Variants in NCAM1 observed in about 807,000 individuals in gnomAD.
NCAM1 encodes the protein antigen recognized by monoclonal antibody 5.1H11.
In NCAM1, 14 loss-of-function variants were observed where a neutral mutation model predicts 109.8. The ratio of observed to expected loss-of-function variants is 0.13; its 90% CI spans 0.08 to 0.20. NCAM1 has a LOEUF of 0.20. NCAM1 is among the 10% of genes least tolerant of loss of function. The probability of loss-of-function intolerance (pLI) is 1.00; values close to 1 mark genes in which losing one functional copy is unlikely to be tolerated. For missense variants in NCAM1, 774 were observed against 1,109.9 expected (o/e 0.70, Z 4.30); for synonymous variants, 418 against 442.9 (o/e 0.94, Z 0.70).
intron 1 of NCAM1, among the ~76,000 whole-genome samples, chr11:113,071,035 T>A (rs1273995847): frequency 6.6e-6 from 1 of 152,080 alleles, no homozygotes; most frequent in Non-Finnish European, 1.5e-5. Context: ...GAATAGGCTG[T>A]GTGTGGTAGA....
At chr11:112,979,828 C>A (rs111743968) in intron 1 of NCAM1, among the ~76,000 whole-genome samples, 3 of 151,816 alleles carry the variant, frequency 2.0e-5, no homozygotes, top group African/African-American at 7.2e-5. Flanking sequence ...AAATTTGAAC[C>A]TTTTTATAAA....
intron 1 of NCAM1, among the ~76,000 whole-genome samples, chr11:113,132,247 G>A (rs1184035597): frequency 3.3e-5 from 5 of 152,146 alleles, no homozygotes; most frequent in Non-Finnish European, 5.9e-5. Flanking sequence ...ATCTCAGACA[G>A]CTAACAACAG....
At chr11:112,989,963 A>C (rs1300987691) in intron 1 of NCAM1, among the ~76,000 whole-genome samples, 1 of 152,178 alleles carries the variant, frequency 6.6e-6, no homozygotes, top group Non-Finnish European at 1.5e-5. Context: ...CAGCCCTGTC[A>C]CAATTATTTT....
At chr11:113,110,586 A>T (rs1940401945) in intron 1 of NCAM1, among the ~76,000 whole-genome samples, 1 of 152,202 alleles carries the variant, frequency 6.6e-6, no homozygotes, top group African/African-American at 2.4e-5. Flanking sequence ...GCTGGGTTCT[A>T]AATAGTAAGA....
chr11:113,100,475 A>T (rs2135855293), intron 1 of NCAM1, among the ~76,000 whole-genome samples: 1 of 152,222 alleles, frequency 6.6e-6, no homozygotes, highest in Admixed American at 6.5e-5. Flanking sequence ...ATCCAGGAAG[A>T]AGCAGGTCAC....
At chr11:113,213,739 G>C (rs1292385922) in intron 7 of NCAM1, among the ~76,000 whole-genome samples, 3 of 152,104 alleles carry the variant, frequency 2.0e-5, no homozygotes, top group Non-Finnish European at 4.4e-5. Flanking sequence ...CGCACATCTG[G>C]GTCATTGCCA....
intron 1 of NCAM1, among the ~76,000 whole-genome samples, chr11:112,998,391 C>G (rs1951656348): frequency 6.6e-6 from 1 of 152,008 alleles, no homozygotes; most frequent in African/African-American, 2.4e-5. Flanking sequence ...GGGATTCCTG[C>G]TTAGTTAATC....
intron 1 of NCAM1, among the ~76,000 whole-genome samples, chr11:113,118,518 C>T (rs1299378521): frequency 6.6e-6 from 1 of 151,954 alleles, no homozygotes; most frequent in Non-Finnish European, 1.5e-5. Context: ...GAGCCTGGAC[C>T]ATTGCAGGGC....
chr11:113,056,007 A>ATG, intron 1 of NCAM1, among the ~76,000 whole-genome samples: 1 of 124,748 alleles, frequency 8.0e-6, no homozygotes, highest in African/African-American at 3.2e-5. Context: ...ATATATATAT[A>ATG]TATATATATA....
intron 1 of NCAM1, among the ~76,000 whole-genome samples, chr11:113,135,490 T>C (rs1941565238): frequency 6.6e-6 from 1 of 152,150 alleles, no homozygotes; most frequent in Admixed American, 6.5e-5. Context: ...CGCCCACTGT[T>C]CAGCTTCTTA....
intron 1 of NCAM1, among the ~76,000 whole-genome samples, chr11:113,042,354 C>G (rs1267211523): frequency 1.3e-5 from 2 of 152,240 alleles, no homozygotes; most frequent in Non-Finnish European, 2.9e-5. Flanking sequence ...GCCTTCTCAA[C>G]CTCGGCCTCA....
chr11:113,198,681 T>C (rs1401505578), intron 1 of NCAM1, among the ~76,000 whole-genome samples: 1 of 152,224 alleles, frequency 6.6e-6, no homozygotes, highest in Non-Finnish European at 1.5e-5. Context: ...CTTTCTAGCC[T>C]ATGATTTGGA....
At chr11:113,264,640 C>A in intron 17 of NCAM1, 1 of 985,542 alleles carries the variant, frequency 1.0e-6, no homozygotes, top group African/African-American at 1.7e-5. Context: ...AGTCTGCCTC[C>A]CCCTGATCCC....
At chr11:113,242,294 C>T (rs1295402493) in intron 14 of NCAM1, among the ~76,000 whole-genome samples, 1 of 152,148 alleles carries the variant, frequency 6.6e-6, no homozygotes, top group Non-Finnish European at 1.5e-5. Flanking sequence ...CTGATCATCT[C>T]TTTTAAATAT....
chr11:113,144,949 A>G (rs1941961967), intron 1 of NCAM1, among the ~76,000 whole-genome samples: 1 of 152,262 alleles, frequency 6.6e-6, no homozygotes, highest in African/African-American at 2.4e-5. Context: ...ACCAGGAATC[A>G]AGACTCATTA....
Position 113,204,903 on chromosome 11 carries a change from C to A in NCAM1, c.346+399C>A, listed in dbSNP as rs140339887. 1.5e-3 allele frequency among the ~76,000 whole-genome samples: 231 copies of A among 152,308 alleles called. 1 individual carries two copies. The highest frequency in any genetic ancestry group is 5.8e-3 in the South Asian group (28 of 4,822). On this transcript the variant is annotated intron_variant, in intron 3 of 19. Coordinates refer to ENST00000316851, the MANE Select transcript of NCAM1 (RefSeq NM_181351.5). ...TCTGAACACTCTCTGCCACTCAGAG[C>A]AGGCAGTTCCTATTGCCTCTGAAAC...
rs532353878 is a variant in NCAM1, at chr11:113,165,526, A to G, written c.53-36853A>G. ...AGTTCATTTTAAAAGCAGGTTCAAG[A>G]CTTGCAGTTTAAACCTTTGAGACAT... On this transcript the variant is annotated intron_variant, in intron 1 of 19. Coordinates refer to ENST00000316851, the MANE Select transcript of NCAM1 (RefSeq NM_181351.5). Among the ~76,000 whole-genome samples the G allele has an allele frequency of 2.1e-3, 317 of 152,176 alleles. 1 individual carries two copies. Among genetic ancestry groups the G allele is most frequent in the Admixed American group, 3.3e-3 (50 of 15,300 alleles).
intron 1 of NCAM1, among the ~76,000 whole-genome samples, chr11:113,053,349 A>G (rs1042966944): frequency 6.6e-6 from 1 of 152,128 alleles, no homozygotes; most frequent in African/African-American, 2.4e-5. Context: ...TGCTATTGTG[A>G]ATAGTGCTGC....
At chr11:113,190,567 T>C (rs1039014911) in intron 1 of NCAM1, among the ~76,000 whole-genome samples, 2 of 152,210 alleles carry the variant, frequency 1.3e-5, no homozygotes, top group Non-Finnish European at 2.9e-5. Flanking sequence ...ATGGTCATGA[T>C]GACGTGGCAT....
Sources: gnomAD v4.1 joint callset for allele counts (sites outside exome capture counted in the v4.1 genomes callset) on GRCh38, gnomAD v4.1.1 for gene constraint, MANE v1.5 for transcripts, NCBI Gene and HGNC (gene_info 2026-07-23, HGNC 2026-07-21) for gene names.